ABL2: variants seen among roughly 807,000 people sequenced by gnomAD.
ABL2 encodes tyrosine-protein kinase ABL2.
In ABL2, 49 loss-of-function variants were observed where a neutral mutation model predicts 107.7. The ratio of observed to expected loss-of-function variants is 0.45; its 90% CI spans 0.36 to 0.58. The LOEUF (loss-of-function observed/expected upper bound fraction) is 0.58. Ranked by LOEUF, ABL2 falls within the 20% of genes least tolerant of loss-of-function variation. ABL2 has a pLI of 0.00. For missense variants in ABL2, 1,245 were observed against 1,457.0 expected, an observed-to-expected ratio of 0.85 and a Z score of 2.37; for synonymous variants, 549 against 548.6, an observed-to-expected ratio of 1.00 and a Z score of -0.01.
intron 1 of ABL2, among the ~76,000 whole-genome samples, chr1:179,227,938 C>G (rs1445178921): frequency 6.6e-6 from 1 of 151,188 alleles, no homozygotes; most frequent in African/African-American, 2.4e-5. Context: ...GTAATCCCAG[C>G]TACTCCGAGG....
intron 1 of ABL2, among the ~76,000 whole-genome samples, chr1:179,138,086 A>G (rs1392077482): frequency 6.6e-6 from 1 of 152,234 alleles, no homozygotes; most frequent in Non-Finnish European, 1.5e-5. Context: ...TTCTGAAAAC[A>G]GCTGGGGTGT....
chr1:179,139,851 T>C (rs1657409463), intron 1 of ABL2, among the ~76,000 whole-genome samples: 1 of 152,184 alleles, frequency 6.6e-6, no homozygotes, highest in Non-Finnish European at 1.5e-5. Flanking sequence ...TGAATGCTCC[T>C]TATGATAATC....
At chr1:179,149,425 T>C (rs1658229462) in intron 1 of ABL2, among the ~76,000 whole-genome samples, 1 of 152,192 alleles carries the variant, frequency 6.6e-6, no homozygotes, top group African/African-American at 2.4e-5. Context: ...CTGCAGCAAG[T>C]AAGAAAATCT....
intron 3 of ABL2, among the ~76,000 whole-genome samples, chr1:179,129,920 C>G (rs1378475636): frequency 6.6e-6 from 1 of 152,074 alleles, no homozygotes; most frequent in Non-Finnish European, 1.5e-5. Context: ...GAAGGTTAGA[C>G]TCACTATACA....
chr1:179,104,507 TAATGAC>T lies in ABL2; in HGVS notation c.*3205_*3210del, dbSNP rs1233763480. 5 of 210,606 alleles carry T rather than the reference TAATGAC, an allele frequency of 2.4e-5. No individual in the cohort carries two copies. Among genetic ancestry groups the T allele is most frequent in the African/African-American group, 1.1e-4 (5 of 44,136 alleles). 13.0% of individuals were successfully genotyped at this position (210,606 alleles called of 1,614,324 possible). Reference sequence around the variant, plus strand: ...TGCTGCTGGTAAAGGGTCTCCACTATAATGACCTCTATGTACAGAGGTCATCTAGAA... The same window carrying T: ...TGCTGCTGGTAAAGGGTCTCCACTATCTCTATGTACAGAGGTCATCTAGAA... On this transcript the variant is annotated 3_prime_UTR_variant, in exon 12 of 12. Coordinates refer to ENST00000502732, the MANE Select transcript of ABL2 (RefSeq NM_007314.4).
chr1:179,136,154 C>T (rs560656094), intron 1 of ABL2, among the ~76,000 whole-genome samples: 203 of 151,974 alleles, frequency 1.3e-3, no homozygotes, highest in African/African-American at 4.6e-3. Context: ...GCCCGGCTGC[C>T]CCTACTGGGA....
At chr1:179,201,721 A>G in intron 1 of ABL2, 1 of 705,278 alleles carries the variant, frequency 1.4e-6, no homozygotes, top group Non-Finnish European at 2.5e-6. Flanking sequence ...ATTGATATGC[A>G]GCAAGTTTCT....
chr1:179,184,515 A>G (rs1014433400), intron 1 of ABL2: 5 of 677,762 alleles, frequency 7.4e-6, no homozygotes, highest in Non-Finnish European at 1.0e-5. Context: ...CATTTGTCCC[A>G]TCCCATTACA....
At chr1:179,127,543 T>G (rs1015743345) in intron 3 of ABL2, among the ~76,000 whole-genome samples, 2 of 152,196 alleles carry the variant, frequency 1.3e-5, no homozygotes, top group African/African-American at 2.4e-5. Context: ...CTTGCCCCGA[T>G]ACTTGCAGCA....
At position 179,106,946 on chromosome 1, in the gene ABL2, T is replaced by C. The variant is rs1653504380; in HGVS notation, c.*772A>G. 1 of 230,298 alleles carries C rather than the reference T, an allele frequency of 4.3e-6. No individual in the cohort carries two copies. The highest frequency in any genetic ancestry group is 2.2e-5 in the African/African-American group (1 of 45,180). The allele number at this position is 230,298 out of a possible 1,614,324, so 14.3% of individuals were successfully genotyped here. A position where few individuals can be genotyped will look rare whatever the true frequency, so the allele number is the denominator to read the frequency against. On this transcript the variant is annotated 3_prime_UTR_variant, in exon 12 of 12. Coordinates refer to ENST00000502732, the MANE Select transcript of ABL2 (RefSeq NM_007314.4). ...ACTAGGGAGACCCCTGTACTTATGGTTTACAGATAGCCACCAACAGGCAGG... is the reference window on the plus strand; with the variant it reads ...ACTAGGGAGACCCCTGTACTTATGGCTTACAGATAGCCACCAACAGGCAGG...
Position 179,126,266 on chromosome 1 carries a change from A to C in ABL2, c.687+111T>G, listed in dbSNP as rs755490749. Reference sequence around the variant, plus strand: ...AAGCCCAAACTCACAAAGCTAGTGAATATTTTATTTCACGTCAGACATAAA... The same window carrying C: ...AAGCCCAAACTCACAAAGCTAGTGACTATTTTATTTCACGTCAGACATAAA... On this transcript the variant is annotated intron_variant, in intron 4 of 11. Coordinates refer to ENST00000502732, the MANE Select transcript of ABL2 (RefSeq NM_007314.4). The surrounding 1 kb of genome is among the most constrained non-coding windows in gnomAD (Gnocchi z 4.4). 2.4e-6 allele frequency: 3 copies of C among 1,272,772 alleles called. No individual in the cohort carries two copies. The highest frequency in any genetic ancestry group is 4.9e-5 in the Admixed American group (2 of 41,136). The allele number at this position is 1,272,772 out of a possible 1,614,324, so 78.8% of individuals were successfully genotyped here. A position where few individuals can be genotyped will look rare whatever the true frequency, so the allele number is the denominator to read the frequency against.
At chr1:179,215,471 C>T (rs1466659138) in intron 1 of ABL2, among the ~76,000 whole-genome samples, 1 of 152,052 alleles carries the variant, frequency 6.6e-6, no homozygotes, top group Non-Finnish European at 1.5e-5. Flanking sequence ...CTGTGGCTCA[C>T]GCCTGTAATC....
chr1:179,110,183 G>C, intron 11 of ABL2, 99 bp downstream of exon 11: 1 of 1,407,552 alleles, frequency 7.1e-7, no homozygotes, highest in South Asian at 1.2e-5. Flanking sequence ...GCTTTCCCCA[G>C]GGAGGACGGG....
intron 1 of ABL2, among the ~76,000 whole-genome samples, chr1:179,202,738 T>C (rs1318923607): frequency 1.3e-5 from 2 of 152,136 alleles, no homozygotes; most frequent in African/African-American, 2.4e-5. Context: ...GAATGAAGAA[T>C]ACAGACGCCT....
chr1:179,113,408 G>A (rs1467262878), intron 9 of ABL2, among the ~76,000 whole-genome samples: 1 of 152,154 alleles, frequency 6.6e-6, no homozygotes, highest in African/African-American at 2.4e-5. Context: ...AATATAAAAG[G>A]ATATCAAAAA....
At position 179,224,795 on chromosome 1, in the gene ABL2, A is replaced by T. The variant is rs376488015; in HGVS notation, c.157+4446T>A. 3.9e-4 allele frequency among the ~76,000 whole-genome samples: 58 copies of T among 148,926 alleles called. No homozygotes were observed. In the East Asian group the frequency reaches 0.011, roughly 28 times the overall value. ...CTTTGGGAGGCCGAGGCAGAGTATC[A>T]CCTGAGCCTAGGAGTTTGAGACCAG... is the stretch of plus-strand genomic sequence containing the variant. On this transcript the variant is annotated intron_variant, in intron 1 of 11. Coordinates refer to ENST00000502732, the MANE Select transcript of ABL2 (RefSeq NM_007314.4).
intron 1 of ABL2, among the ~76,000 whole-genome samples, chr1:179,160,290 G>T (rs2102750209): frequency 6.6e-6 from 1 of 151,942 alleles, no homozygotes; most frequent in African/African-American, 2.4e-5. Flanking sequence ...GAGGCAGGAG[G>T]ATCACCTGAG....
At chr1:179,121,502 T>C in intron 5 of ABL2, 93 bp downstream of exon 5, 1 of 1,493,736 alleles carries the variant, frequency 6.7e-7, no homozygotes, top group Non-Finnish European at 9.1e-7. Flanking sequence ...GGGTGGAAAG[T>C]GTTCCAAAGT....
chr1:179,163,545 G>A (rs769428541), intron 1 of ABL2, among the ~76,000 whole-genome samples: 6 of 152,022 alleles, frequency 3.9e-5, no homozygotes, highest in African/African-American at 7.2e-5. Flanking sequence ...TCAGGAGTTC[G>A]AGAACAGCCT....
Sources: gnomAD v4.1 joint callset for allele counts (sites outside exome capture counted in the v4.1 genomes callset) on GRCh38, gnomAD v4.1.1 for gene constraint, Gnocchi (gnomAD v3.1) non-coding constraint, MANE v1.5 for transcripts, NCBI Gene and HGNC (gene_info 2026-07-23, HGNC 2026-07-21) for gene names.